Variants in TRAPPC9 observed in about 807,000 individuals in gnomAD.
TRAPPC9 encodes the protein trafficking protein particle complex subunit 9, also known as IKK2 binding protein.
TRAPPC9 carries 83 observed loss-of-function variants against 124.0 expected under a neutral mutation model. The ratio of observed to expected loss-of-function variants is 0.67; its 90% CI spans 0.56 to 0.80. The LOEUF is 0.80. TRAPPC9 is among the 30% of genes least tolerant of loss of function. The pLI is 0.00. For missense variants in TRAPPC9, 1,302 were observed against 1,508.3 expected, an observed-to-expected ratio of 0.86 and a Z score of 2.27; for synonymous variants, 638 against 617.5, an observed-to-expected ratio of 1.03 and a Z score of -0.49.
rs1252852958 is a variant in TRAPPC9, at chr8:140,182,563, C to T, written c.2556+38896G>A. Among the ~76,000 whole-genome samples, 1 of 152,186 alleles carries T rather than the reference C, an allele frequency of 6.6e-6. No homozygotes were observed. Among genetic ancestry groups the T allele is most frequent in the African/African-American group, 2.4e-5 (1 of 41,444 alleles). The stretch of plus-strand genomic sequence containing the variant: ...TGCACGCTGATCTAAGCTCACTGAT[C>T]GAAGCACACTGCAAAGTGTCATTTT... On this transcript the variant is annotated intron_variant, in intron 17 of 22. Coordinates refer to ENST00000438773, the MANE Select transcript of TRAPPC9 (RefSeq NM_001160372.4). This position sits in a 1 kb window ranked among gnomAD's most constrained non-coding sequence, Gnocchi z 4.0.
chr8:139,949,931 T>C (rs1434973338), intron 19 of TRAPPC9, among the ~76,000 whole-genome samples: 1 of 152,138 alleles, frequency 6.6e-6, no homozygotes, highest in African/African-American at 2.4e-5. Context: ...AAACTGTCAT[T>C]TAAAAAGAAA....
At chr8:139,908,888 A>T (rs1040733230) in intron 20 of TRAPPC9, 2 of 152,182 alleles carry the variant, frequency 1.3e-5, no homozygotes, top group African/African-American at 4.8e-5. Context: ...CCAGAGATAA[A>T]CACCGGTAAC....
At chr8:140,056,824 A>C (rs1014210404) in intron 17 of TRAPPC9, among the ~76,000 whole-genome samples, 3 of 152,218 alleles carry the variant, frequency 2.0e-5, no homozygotes, top group South Asian at 4.1e-4. Context: ...AACTATACCA[A>C]ACTAAAACGC....
In TRAPPC9 at chr8:140,104,084, A is replaced by C. The variant is rs567731941; in HGVS notation, c.2557-80005T>G. 6.6e-6 allele frequency among the ~76,000 whole-genome samples: 1 copy of C among 152,194 alleles called. No homozygotes were observed. Among genetic ancestry groups the C allele is most frequent in the Non-Finnish European group, 1.5e-5 (1 of 68,040 alleles). ...TTCATTCACTCAGCAGTTACTTAGCACTTATCCTGGGTACCAAGCATTGTA... is the reference window on the plus strand; with the variant it reads ...TTCATTCACTCAGCAGTTACTTAGCCCTTATCCTGGGTACCAAGCATTGTA... On this transcript the variant is annotated intron_variant, in intron 17 of 22. Coordinates refer to ENST00000438773, the MANE Select transcript of TRAPPC9 (RefSeq NM_001160372.4). This position sits in a 1 kb window ranked among gnomAD's most constrained non-coding sequence, Gnocchi z 4.0.
intron 19 of TRAPPC9, among the ~76,000 whole-genome samples, chr8:139,949,758 G>A (rs1029766807): frequency 6.6e-6 from 1 of 152,138 alleles, no homozygotes; most frequent in Non-Finnish European, 1.5e-5. Flanking sequence ...AGTGGAAAGG[G>A]GGAGTGGTGG....
chr8:139,782,387 G>A (rs1352746056), intron 21 of TRAPPC9, among the ~76,000 whole-genome samples: 2 of 152,086 alleles, frequency 1.3e-5, no homozygotes, highest in African/African-American at 2.4e-5. Flanking sequence ...GAAAAGGGGG[G>A]AAAAAGGTAT....
At chr8:140,260,423 A>T (rs2064377505) in intron 15 of TRAPPC9, among the ~76,000 whole-genome samples, 1 of 152,190 alleles carries the variant, frequency 6.6e-6, no homozygotes, top group African/African-American at 2.4e-5. Context: ...AAGTCCCCAG[A>T]CTCAACTCTG....
At chr8:140,112,360 G>T (rs11166951) in intron 17 of TRAPPC9, among the ~76,000 whole-genome samples, 64,733 of 114,988 alleles carry the variant, frequency 0.56, 18,418 homozygotes, top group East Asian at 0.83. Flanking sequence ...GCGAGGAGAG[G>T]AATGGAGAAT....
intron 12 of TRAPPC9, among the ~76,000 whole-genome samples, chr8:140,289,708 A>C (rs977479246): frequency 1.4e-4 from 21 of 152,212 alleles, no homozygotes; most frequent in Admixed American, 9.8e-4. Flanking sequence ...TGTAAGAAAG[A>C]GCAGCAGGCA....
rs191132990 is a variant in TRAPPC9 at position 139,973,800 on chromosome 8, C to G, written c.2810+14926G>C. ...GGAGGCCGAGGTGAGTGCCAGGCCC[C>G]CAAACCACCCCAGGGACCTTCTCCA... is the stretch of plus-strand genomic sequence containing the variant. On this transcript the variant is annotated intron_variant, in intron 19 of 22. Coordinates refer to ENST00000438773, the MANE Select transcript of TRAPPC9 (RefSeq NM_001160372.4). Among the ~76,000 whole-genome samples, 382 of 152,184 alleles carry G rather than the reference C, an allele frequency of 2.5e-3. 10 individuals carry two copies. Among genetic ancestry groups the G allele is most frequent in the Admixed American group, 0.023 (350 of 15,284 alleles).
intron 17 of TRAPPC9, among the ~76,000 whole-genome samples, chr8:140,035,143 G>T (rs1587549524): frequency 6.6e-6 from 1 of 152,262 alleles, no homozygotes; most frequent in Non-Finnish European, 1.5e-5. Context: ...GCAGAGATTT[G>T]TTAGGATCAG....
chr8:139,821,616 T>A (rs940727028), intron 21 of TRAPPC9, among the ~76,000 whole-genome samples: 4 of 152,244 alleles, frequency 2.6e-5, no homozygotes, highest in Non-Finnish European at 4.4e-5. Context: ...CAGAGAAGAT[T>A]AACACTTTCT....
chr8:139,948,412 G>T (rs1430089599), intron 19 of TRAPPC9, among the ~76,000 whole-genome samples: 1 of 152,130 alleles, frequency 6.6e-6, no homozygotes, highest in Non-Finnish European at 1.5e-5. Flanking sequence ...AGAATCCCAG[G>T]GAGCGCAGAC....
At chr8:140,316,926 T>C (rs2066457867) in intron 9 of TRAPPC9, among the ~76,000 whole-genome samples, 1 of 152,234 alleles carries the variant, frequency 6.6e-6, no homozygotes, top group African/African-American at 2.4e-5. Flanking sequence ...AGATTTTCTA[T>C]TTCTTCATGA....
rs1419217298 is a variant in TRAPPC9 at position 140,078,204 on chromosome 8, T to C, written c.2557-54125A>G. Among the ~76,000 whole-genome samples the C allele has an allele frequency of 3.3e-5, 5 of 152,222 alleles. No individual in the cohort carries two copies. The East Asian group carries it at 5.8e-4, about 18-fold the overall frequency. ...CAAATTGCAAAAATACAAAGTTGTA[T>C]AGAATTTTGGAAGAACTTTTCAGAG... is the stretch of plus-strand genomic sequence containing the variant. On this transcript the variant is annotated intron_variant, in intron 17 of 22. Coordinates refer to ENST00000438773, the MANE Select transcript of TRAPPC9 (RefSeq NM_001160372.4).
chr8:140,073,433 C>T (rs1182178795), intron 17 of TRAPPC9, among the ~76,000 whole-genome samples: 1 of 152,140 alleles, frequency 6.6e-6, no homozygotes, highest in Non-Finnish European at 1.5e-5. Flanking sequence ...TTATACTGAG[C>T]AAAGAAGCAG....
intron 12 of TRAPPC9, among the ~76,000 whole-genome samples, chr8:140,290,783 G>T (rs1348638175): frequency 1.3e-5 from 2 of 152,178 alleles, no homozygotes; most frequent in African/African-American, 2.4e-5. Context: ...AGGTTTCTTT[G>T]TAGGTTCAAA....
intron 17 of TRAPPC9, chr8:140,098,537 A>C (rs2060501228): frequency 6.6e-6 from 1 of 151,374 alleles, no homozygotes; most frequent in Admixed American, 6.6e-5. Flanking sequence ...TTCCCGCAGC[A>C]CCACCTTCCA....
chr8:140,274,988 C>T (rs978185600), intron 15 of TRAPPC9, among the ~76,000 whole-genome samples: 1 of 152,144 alleles, frequency 6.6e-6, no homozygotes, highest in Admixed American at 6.5e-5. Context: ...TTAAATTACC[C>T]GGTTTTATTT....
Sources: gnomAD v4.1 joint callset for allele counts (sites outside exome capture counted in the v4.1 genomes callset) on GRCh38, gnomAD v4.1.1 for gene constraint, Gnocchi (gnomAD v3.1) non-coding constraint, MANE v1.5 for transcripts, NCBI Gene and HGNC (gene_info 2026-07-23, HGNC 2026-07-21) for gene names.